Variants in TRAF3IP2 observed in about 807,000 individuals in gnomAD.
TRAF3IP2 encodes TRAF3 interacting protein 2.
In TRAF3IP2, 35 loss-of-function variants were observed where a neutral mutation model predicts 57.9. The observed-to-expected ratio is 0.60, with a 90% CI of 0.46 to 0.80. The LOEUF (loss-of-function observed/expected upper bound fraction) is 0.80, where lower values mean the gene tolerates loss of function less well. TRAF3IP2 is among the 30% of genes least tolerant of loss of function. The pLI is 0.00. For missense variants in TRAF3IP2, 556 were observed against 706.4 expected (o/e 0.79, Z 2.41); for synonymous variants, 251 against 268.9 (o/e 0.93, Z 0.65).
rs763383745 is a variant in TRAF3IP2 at position 111,566,466 on chromosome 6, T to C, written c.1454A>G (p.His485Arg). 4.3e-6 allele frequency: 7 copies of C among 1,614,004 alleles called. No individual in the cohort carries two copies. The highest frequency in any genetic ancestry group is 5.9e-6 in the Non-Finnish European group (7 of 1,179,966). Residue 485 changes from histidine to arginine, a missense_variant, in exon 7 of 9, where the codon CAT becomes CGT. His to Arg is a conservative substitution (Grantham distance 29). This residue lies in a region of TRAF3IP2 where 128 missense variants were observed against 207.7 expected (regional missense o/e 0.62). Transcript: ENST00000368761. ...CACCATTCGATGAATGTACTTAGTATGTAAGCCATGCTCATCCTCGTCCAG... is the reference window on the plus strand; with the variant it reads ...CACCATTCGATGAATGTACTTAGTACGTAAGCCATGCTCATCCTCGTCCAG... ...SQLDEDEHGLHTKYIHRMMQI... is the reference protein window; with the variant it reads ...SQLDEDEHGLRTKYIHRMMQI...
intron 2 of TRAF3IP2, among the ~76,000 whole-genome samples, chr6:111,582,705 A>G (rs778560698): frequency 6.6e-6 from 1 of 152,120 alleles, no homozygotes; most frequent in Non-Finnish European, 1.5e-5. Flanking sequence ...CTGCTTTTCA[A>G]TGAGCCTTGC....
At chr6:111,572,532 TG>T (rs1416591513) in intron 5 of TRAF3IP2, among the ~76,000 whole-genome samples, 1 of 152,192 alleles carries the variant, frequency 6.6e-6, no homozygotes, top group East Asian at 1.9e-4. Context: ...TCCTGCATCA[TG>T]GGAAACTCAG....
intron 1 of TRAF3IP2, among the ~76,000 whole-genome samples, chr6:111,603,109 CA>C (rs1562440333): frequency 1.5e-5 from 2 of 136,458 alleles, no homozygotes; most frequent in African/African-American, 2.7e-5. Context: ...CACACACACA[CA>C]CAAGGCGTGC....
intron 1 of TRAF3IP2, chr6:111,598,040 G>C (rs1418519651): frequency 2.6e-6 from 1 of 384,918 alleles, no homozygotes; most frequent in Non-Finnish European, 5.1e-6. Context: ...GGTCATCTCA[G>C]GCTCATCAGC....
At chr6:111,586,052 C>CA (rs938231929) in intron 2 of TRAF3IP2, among the ~76,000 whole-genome samples, 10 of 151,716 alleles carry the variant, frequency 6.6e-5, no homozygotes, top group East Asian at 1.9e-4. Flanking sequence ...TTCAAGTTGT[C>CA]AAAAAAAATC....
intron 5 of TRAF3IP2, among the ~76,000 whole-genome samples, chr6:111,571,377 CAT>C (rs1795826919): frequency 6.6e-6 from 1 of 151,834 alleles, no homozygotes; most frequent in Non-Finnish European, 1.5e-5. Context: ...TGCGCCTGGC[CAT>C]AGTTTGTATT....
In TRAF3IP2 at chr6:111,559,302, G is replaced by GA. The variant is rs1372868610; in HGVS notation, c.*102dup. 4.7e-6 allele frequency: 7 copies of GA among 1,499,604 alleles called. No individual in the cohort carries two copies. The highest frequency in any genetic ancestry group is 4.5e-6 in the Non-Finnish European group (5 of 1,120,916). The allele number at this position is 1,499,604 out of a possible 1,614,324, so 92.9% of individuals were successfully genotyped here. ...CCAGAGGGCCTCTCGGGGAGGAACA[G>GA]AAAAAAACCAGCCAGGAGTGCTACC... On this transcript the variant is annotated 3_prime_UTR_variant, in exon 9 of 9. Transcript: ENST00000368761.
At chr6:111,569,517 T>C (rs1795761456) in intron 5 of TRAF3IP2, among the ~76,000 whole-genome samples, 1 of 152,014 alleles carries the variant, frequency 6.6e-6, no homozygotes, top group African/African-American at 2.4e-5. Context: ...TTTGGGAGGC[T>C]GAGGGGGGCA....
In TRAF3IP2 at chr6:111,557,421, GAAGTT is replaced by G. The variant is rs1350827810; in HGVS notation, c.*1979_*1983del. On this transcript the variant is annotated 3_prime_UTR_variant, in exon 9 of 9. Coordinates refer to ENST00000368761, the MANE Select transcript of TRAF3IP2 (RefSeq NM_147686.4). ...AAATTATCAACCTGAGGGTATTGTT[GAAGTT>G]TTTTTTTTTTTTTTTTTTTTTGAGA... The G allele has an allele frequency of 1.3e-4, 18 of 141,104 alleles. No individual in the cohort carries two copies. The highest frequency in any genetic ancestry group is 4.8e-4 in the African/African-American group (18 of 37,336). The allele number at this position is 141,104 out of a possible 1,614,324, so 8.7% of individuals were successfully genotyped here.
Position 111,591,937 on chromosome 6 carries a change from G to A in TRAF3IP2, c.150C>T (p.Pro50=), listed in dbSNP as rs1796538123. 1 of 1,614,106 alleles carries A rather than the reference G, an allele frequency of 6.2e-7. No individual in the cohort carries two copies. Among genetic ancestry groups the A allele is most frequent in the Non-Finnish European group, 8.5e-7 (1 of 1,180,058 alleles). Residue 50 remains proline, a synonymous_variant, in exon 2 of 9, where the codon CCC becomes CCT. Transcript: ENST00000368761. The surrounding 1 kb of genome is among the most constrained non-coding windows in gnomAD (Gnocchi z 4.9). ...CTCCGGAGGAATTGTGAAGCATTGT[G>A]GGTGCAGACAAGCTGTTGGGTGCCA... ...RNMAPNSLSA[P]TMLHNSSGDF...
At position 111,556,102 on chromosome 6, in the gene TRAF3IP2, CAA is replaced by C. The variant is rs35454154; in HGVS notation, c.*3301_*3302del. On this transcript the variant is annotated 3_prime_UTR_variant, in exon 9 of 9. Coordinates refer to ENST00000368761, the MANE Select transcript of TRAF3IP2 (RefSeq NM_147686.4). ...TGGGTGACAGAGCGAGACTACGTCT[CAA>C]AAAAAAAAAAAAAAAAATGCTTTGA... Among the ~76,000 whole-genome samples the C allele has an allele frequency of 0.58, 70,946 of 122,034 alleles. 18,884 individuals carry two copies. The highest frequency in any genetic ancestry group is 0.8 in the East Asian group (3,303 of 4,106). The allele number at this position is 122,034 out of a possible 152,430, so 80.1% of individuals were successfully genotyped here.
rs577242443 is a variant in TRAF3IP2, at chr6:111,580,772, GAA to G, written c.830-385_830-384del. Among the ~76,000 whole-genome samples, 337 of 152,238 alleles carry G rather than the reference GAA, an allele frequency of 2.2e-3. 1 individual carries two copies. The highest frequency in any genetic ancestry group is 6.8e-3 in the Middle Eastern group (2 of 294). On this transcript the variant is annotated intron_variant, in intron 2 of 8. Coordinates refer to ENST00000368761, the MANE Select transcript of TRAF3IP2 (RefSeq NM_147686.4). ...CTTCATGTCCCGAACCCAAGGCTAG[GAA>G]AAATTATCTGTATGATAGATATAGA... is the stretch of plus-strand genomic sequence containing the variant.
chr6:111,602,014 C>A (rs1433358861), intron 1 of TRAF3IP2: 1 of 152,216 alleles, frequency 6.6e-6, no homozygotes, highest in African/African-American at 2.4e-5. Flanking sequence ...AGTTTACTTG[C>A]TGAATTTCCC....
chr6:111,568,586 C>T (rs6568688), intron 5 of TRAF3IP2, among the ~76,000 whole-genome samples: 128,008 of 151,888 alleles, frequency 0.84, 54,328 homozygotes, highest in East Asian at 1. Flanking sequence ...GGAGGGGTTA[C>T]GTGATTCAGC....
chr6:111,596,125 C>T (rs940738464), intron 1 of TRAF3IP2, among the ~76,000 whole-genome samples: 1 of 152,128 alleles, frequency 6.6e-6, no homozygotes, highest in East Asian at 1.9e-4. Flanking sequence ...TTTACACTCT[C>T]CTCTCATTCC....
intron 2 of TRAF3IP2, among the ~76,000 whole-genome samples, chr6:111,583,479 T>C (rs573097531): frequency 1.6e-3 from 242 of 152,244 alleles, no homozygotes; most frequent in African/African-American, 5.5e-3. Flanking sequence ...CTGCCTCCTG[T>C]CAGATCAGCA....
chr6:111,573,271 C>T (rs977173769), intron 4 of TRAF3IP2, among the ~76,000 whole-genome samples: 141 of 152,296 alleles, frequency 9.3e-4, no homozygotes, highest in African/African-American at 3.1e-3. Flanking sequence ...TAAGGAAATC[C>T]ACCACCCAGA....
rs573038591 is a variant in TRAF3IP2, at chr6:111,591,783, G to C, written c.304C>G (p.Leu102Val). The C allele has an allele frequency of 6.2e-7, 1 of 1,614,262 alleles. No homozygotes were observed. Among genetic ancestry groups the C allele is most frequent in the Non-Finnish European group, 8.5e-7 (1 of 1,180,048 alleles). Reference sequence around the variant, plus strand: ...CACCCAGAAGGGAAAGCTTTGCCCAGGCCTGGGTGTCTCCTGCAGAAACTG... The same window carrying C: ...CACCCAGAAGGGAAAGCTTTGCCCACGCCTGGGTGTCTCCTGCAGAAACTG... ...EDSFCRRHPG[L>V]GKAFPSGCSA... Residue 102 changes from leucine (L) to valine (V), a missense_variant, in exon 2 of 9, where the codon CTG (leucine) becomes GTG (valine). Transcript: ENST00000368761. This position sits in a 1 kb window ranked among gnomAD's most constrained non-coding sequence, Gnocchi z 4.9.
chr6:111,593,990 G>T (rs1387210661), intron 1 of TRAF3IP2, among the ~76,000 whole-genome samples: 1 of 152,090 alleles, frequency 6.6e-6, no homozygotes, highest in Non-Finnish European at 1.5e-5. Context: ...AATTAGCTGG[G>T]CGTGGTGGCA....
Sources: allele counts gnomAD v4.1 joint callset (sites outside exome capture counted in the v4.1 genomes callset), GRCh38; gene constraint gnomAD v4.1.1; regional missense constraint gnomAD v4.1.1; non-coding constraint Gnocchi (gnomAD v3.1); transcripts MANE v1.5; gene names NCBI Gene and HGNC (gene_info 2026-07-23, HGNC 2026-07-21).